The following SEC14L5 variants were observed in gnomAD, a reference collection of about 807,000 sequenced individuals.
SEC14L5 encodes SEC14 like lipid binding 5.
SEC14L5 carries 96 observed loss-of-function variants against 84.6 expected under a neutral mutation model. The ratio of observed to expected loss-of-function variants is 1.13; its 90% CI spans 0.96 to 1.34. SEC14L5 has a LOEUF of 1.34. Ranked by LOEUF, SEC14L5 falls within the 40% of genes most tolerant of loss-of-function variation. The pLI is 0.00. For synonymous variants in SEC14L5, 546 were observed against 383.4 expected, an observed-to-expected ratio of 1.42 and a Z score of -4.95; for missense variants, 1,224 against 942.5, an observed-to-expected ratio of 1.30 and a Z score of -3.91.
At chr16:5,009,757 A>T (rs1955778365) in intron 14 of SEC14L5, among the ~76,000 whole-genome samples, 2 of 152,110 alleles carry the variant, frequency 1.3e-5, no homozygotes, top group Admixed American at 1.3e-4. Context: ...GGATGAGCAT[A>T]TTGGAATTTG....
chr16:5,007,802 C>T (rs977980065), intron 13 of SEC14L5, among the ~76,000 whole-genome samples: 13 of 150,722 alleles, frequency 8.6e-5, no homozygotes, highest in East Asian at 2.0e-4. Flanking sequence ...GACGGGTTTT[C>T]GTCATGTTGG....
chr16:4,992,852 A>T (rs1374527537), intron 6 of SEC14L5, among the ~76,000 whole-genome samples: 1 of 152,210 alleles, frequency 6.6e-6, no homozygotes. Flanking sequence ...ATACCCACAC[A>T]CATATGTGTG....
At chr16:5,013,068 C>T (rs1458711203) in intron 15 of SEC14L5, among the ~76,000 whole-genome samples, 2 of 152,094 alleles carry the variant, frequency 1.3e-5, no homozygotes, top group Non-Finnish European at 2.9e-5. Flanking sequence ...ACTTTTACAC[C>T]ATCAGACCTC....
Position 5,008,661 on chromosome 16 carries a change from T to A in SEC14L5, c.1800+13T>A. On this transcript the variant is annotated intron_variant, in intron 14 of 15. Transcript: ENST00000251170. ...GGAGAGCATCCAGGTTTGCATTTTC[T>A]GGACCACTCATTCGCTCACCAAGCA... 1 of 1,603,278 alleles carries A rather than the reference T, an allele frequency of 6.2e-7. No individual in the cohort carries two copies. Among genetic ancestry groups the A allele is most frequent in the Non-Finnish European group, 8.5e-7 (1 of 1,174,408 alleles).
At chr16:4,992,936 T>A (rs1955567458) in intron 6 of SEC14L5, among the ~76,000 whole-genome samples, 2 of 152,366 alleles carry the variant, frequency 1.3e-5, no homozygotes, top group South Asian at 4.1e-4. Context: ...ATTTTGCTTT[T>A]TTTTCACTTA....
At chr16:4,998,727 G>C (rs1955642667) in intron 8 of SEC14L5, among the ~76,000 whole-genome samples, 1 of 112,352 alleles carries the variant, frequency 8.9e-6, no homozygotes, top group Non-Finnish European at 1.7e-5. Flanking sequence ...GACAGAGCGA[G>C]ACTCCGTCTC....
chr16:4,998,725 G>T (rs1378293687), intron 8 of SEC14L5, among the ~76,000 whole-genome samples: 1 of 123,044 alleles, frequency 8.1e-6, no homozygotes, highest in Non-Finnish European at 1.6e-5. Context: ...GCGACAGAGC[G>T]AGACTCCGTC....
chr16:4,966,414 C>G (rs925081801), intron 2 of SEC14L5, among the ~76,000 whole-genome samples: 1 of 149,092 alleles, frequency 6.7e-6, no homozygotes. Flanking sequence ...GCTGGGAGTA[C>G]AAGTGCCCGC....
intron 8 of SEC14L5, among the ~76,000 whole-genome samples, chr16:4,999,038 A>G (rs968548301): frequency 2.0e-5 from 3 of 152,166 alleles, no homozygotes; most frequent in African/African-American, 7.2e-5. Flanking sequence ...TTTTTGTTTC[A>G]GTTCTCATAC....
chr16:4,998,969 G>A (rs1398462517), intron 8 of SEC14L5, among the ~76,000 whole-genome samples: 2 of 152,160 alleles, frequency 1.3e-5, no homozygotes, highest in Non-Finnish European at 2.9e-5. Flanking sequence ...GAGTGGCGAA[G>A]TATTGGAGTC....
intron 1 of SEC14L5, 109 bp downstream of exon 1, chr16:4,958,554 G>T (rs925307548): frequency 6.5e-6 from 1 of 152,780 alleles, no homozygotes; most frequent in African/African-American, 2.4e-5. Context: ...CCGAGGGCGA[G>T]GGTGAGCAAA....
chr16:4,967,415 A>C (rs1456986080), intron 2 of SEC14L5, among the ~76,000 whole-genome samples: 4 of 152,082 alleles, frequency 2.6e-5, no homozygotes, highest in African/African-American at 9.7e-5. Context: ...ATGAGGTCAC[A>C]TTTACAGGTA....
At chr16:4,993,077 C>G (rs1955569208) in intron 6 of SEC14L5, among the ~76,000 whole-genome samples, 1 of 151,958 alleles carries the variant, frequency 6.6e-6, no homozygotes, top group Admixed American at 6.6e-5. Context: ...GGGTCTTGCT[C>G]TGTTGCCCAG....
At chr16:4,985,483 C>T in intron 2 of SEC14L5, among the ~76,000 whole-genome samples, 1 of 152,186 alleles carries the variant, frequency 6.6e-6, no homozygotes, top group East Asian at 1.9e-4. Flanking sequence ...CCGCCTCAGC[C>T]CCCCAAGGTT....
chr16:4,972,943 G>A (rs777662930), intron 2 of SEC14L5, among the ~76,000 whole-genome samples: 2 of 152,224 alleles, frequency 1.3e-5, no homozygotes, highest in Non-Finnish European at 2.9e-5. Context: ...CTATGCTGTT[G>A]CTCATTCATT....
chr16:4,959,350 C>G lies in SEC14L5; in HGVS notation c.27C>G (p.Val9=). The G allele has an allele frequency of 6.2e-7, 1 of 1,613,852 alleles. No homozygotes were observed. Among genetic ancestry groups the G allele is most frequent in the Non-Finnish European group, 8.5e-7 (1 of 1,179,792 alleles). ...TGGTGCAAAGATACCAGTCTCCTGT[C>G]CGAGTCTACAAGTACCCGTTTGAGC... MVQRYQSP[V]RVYKYPFELV... is the part of the protein sequence containing the mutation. Residue 9 remains valine (V), a synonymous_variant, in exon 2 of 16, where the codon GTC becomes GTG. Coordinates refer to ENST00000251170, the MANE Select transcript of SEC14L5 (RefSeq NM_014692.2).
intron 14 of SEC14L5, 63 bp downstream of exon 14, chr16:5,008,711 G>T: frequency 7.1e-7 from 1 of 1,411,356 alleles, no homozygotes; most frequent in Non-Finnish European, 9.9e-7. Flanking sequence ...CTGCGTGCCA[G>T]GCTTCTGGGG....
At position 5,015,350 on chromosome 16, in the gene SEC14L5, CT is replaced by C. The variant is rs1955863363; in HGVS notation, c.*381del. 4 of 204,880 alleles carry C rather than the reference CT, an allele frequency of 2.0e-5. No individual in the cohort carries two copies. The highest frequency in any genetic ancestry group is 4.6e-5 in the African/African-American group (2 of 43,674). The allele number at this position is 204,880 out of a possible 1,614,324, so 12.7% of individuals were successfully genotyped here. On this transcript the variant is annotated 3_prime_UTR_variant, in exon 16 of 16. Coordinates refer to ENST00000251170, the MANE Select transcript of SEC14L5 (RefSeq NM_014692.2). Reference sequence around the variant, plus strand: ...ACCATCACTATCAGGTGCCCTTCTCCTCCCTGCAGCTTGCCTGCATAAGAGA... The same window carrying C: ...ACCATCACTATCAGGTGCCCTTCTCCCCCTGCAGCTTGCCTGCATAAGAGA...
intron 6 of SEC14L5, among the ~76,000 whole-genome samples, chr16:4,992,269 G>A (rs1955561355): frequency 6.6e-6 from 1 of 151,920 alleles, no homozygotes; most frequent in South Asian, 2.1e-4. Context: ...TTTCTTTTTT[G>A]AGACGGAGTC....
Sources: gnomAD v4.1 joint callset for allele counts (sites outside exome capture counted in the v4.1 genomes callset) on GRCh38, gnomAD v4.1.1 for gene constraint, MANE v1.5 for transcripts, NCBI Gene and HGNC (gene_info 2026-07-23, HGNC 2026-07-21) for gene names.